The following YY1 variants were observed in gnomAD, a reference collection of about 807,000 sequenced individuals.
YY1 encodes the protein transcriptional repressor protein YY1.
In YY1, 2 loss-of-function variants were observed where a neutral mutation model predicts 35.6. The ratio of observed to expected loss-of-function variants is 0.06; its 90% CI spans 0.02 to 0.18. The LOEUF (loss-of-function observed/expected upper bound fraction) is 0.18, where lower values mean the gene tolerates loss of function less well. YY1 is among the 10% of genes least tolerant of loss of function. The pLI is 1.00. For missense variants in YY1, 322 were observed against 573.4 expected, an observed-to-expected ratio of 0.56 and a Z score of 4.48; for synonymous variants, 268 against 238.9, an observed-to-expected ratio of 1.12 and a Z score of -1.12.
At chr14:100,274,519 C>G (rs928406057) in intron 2 of YY1, among the ~76,000 whole-genome samples, 179 bp from the exon 3 acceptor site, 4 of 152,202 alleles carry the variant, frequency 2.6e-5, no homozygotes, top group Non-Finnish European at 5.9e-5. Flanking sequence ...GGGAAGAGTG[C>G]TTCACAGTCA....
intron 2 of YY1, among the ~76,000 whole-genome samples, chr14:100,274,013 G>GT (rs1388127660): frequency 6.6e-6 from 1 of 152,160 alleles, no homozygotes; most frequent in Admixed American, 6.6e-5. Flanking sequence ...TAGGGTAACA[G>GT]TATGAGAGTA....
chr14:100,259,824 C>G (rs1891055735), intron 1 of YY1, among the ~76,000 whole-genome samples: 1 of 152,052 alleles, frequency 6.6e-6, no homozygotes, highest in Admixed American at 6.6e-5. Flanking sequence ...GAAGGTAAGA[C>G]CAGGTATGTT....
intron 1 of YY1, among the ~76,000 whole-genome samples, chr14:100,251,695 A>T (rs1890927236): frequency 6.6e-6 from 1 of 152,070 alleles, no homozygotes; most frequent in Non-Finnish European, 1.5e-5. Flanking sequence ...TTGGCATTTA[A>T]CATGTTACCT....
In YY1 at chr14:100,276,857, G is replaced by T; in HGVS notation, c.1062+209G>T. ...GTCTATACTCTGTGGTACTGGGTACGCAATGTATTGGTGTTGATGGAGTAC... is the reference window on the plus strand; with the variant it reads ...GTCTATACTCTGTGGTACTGGGTACTCAATGTATTGGTGTTGATGGAGTAC... On this transcript the variant is annotated intron_variant, in intron 4 of 4. Transcript: ENST00000262238. This position sits in a 1 kb window ranked among gnomAD's most constrained non-coding sequence, Gnocchi z 4.1. 1.6e-6 allele frequency: 1 copy of T among 635,528 alleles called. No individual in the cohort carries two copies. 39.4% of individuals were successfully genotyped at this position (635,528 alleles called of 1,614,324 possible). A position where few individuals can be genotyped will look rare whatever the true frequency, so the allele number is the denominator to read the frequency against.
At chr14:100,247,002 C>T (rs1003457355) in intron 1 of YY1, among the ~76,000 whole-genome samples, 5 of 152,140 alleles carry the variant, frequency 3.3e-5, no homozygotes, top group African/African-American at 1.2e-4. Context: ...TTTTCCCTCC[C>T]ACTATCAACA....
intron 1 of YY1, among the ~76,000 whole-genome samples, chr14:100,253,876 G>A (rs1367173950): frequency 1.3e-5 from 2 of 151,680 alleles, no homozygotes; most frequent in Non-Finnish European, 2.9e-5. Flanking sequence ...GTTGGCTCAG[G>A]GTGGAGTGCA....
At chr14:100,255,317 A>G (rs928635072) in intron 1 of YY1, among the ~76,000 whole-genome samples, 1 of 152,130 alleles carries the variant, frequency 6.6e-6, no homozygotes, top group Non-Finnish European at 1.5e-5. Context: ...AGAAACTGAT[A>G]TTATTTGAAA....
intron 1 of YY1, among the ~76,000 whole-genome samples, chr14:100,246,252 C>T (rs1890831771): frequency 6.6e-6 from 1 of 152,240 alleles, no homozygotes; most frequent in African/African-American, 2.4e-5. Flanking sequence ...ACTGCCTGCC[C>T]ATGGCTAATG....
At chr14:100,275,040 T>G (rs1891299380) in intron 3 of YY1, among the ~76,000 whole-genome samples, 2 of 152,220 alleles carry the variant, frequency 1.3e-5, no homozygotes, top group Admixed American at 1.3e-4. Flanking sequence ...AAGTCCGTCT[T>G]AAGATCCTGG....
At chr14:100,261,228 C>T (rs1891082935) in intron 1 of YY1, among the ~76,000 whole-genome samples, 1 of 152,040 alleles carries the variant, frequency 6.6e-6, no homozygotes, top group Admixed American at 6.6e-5. Flanking sequence ...CTCACTCTGT[C>T]ACTCAGGCTG....
intron 1 of YY1, among the ~76,000 whole-genome samples, chr14:100,244,348 CAGG>C (rs1890798830): frequency 1.5e-5 from 1 of 67,704 alleles, no homozygotes; most frequent in South Asian, 6.0e-4. Flanking sequence ...TTTTTTGAGA[CAGG>C]GGTCTCACTC....
chr14:100,244,348 CA>C (rs1712708117), intron 1 of YY1, among the ~76,000 whole-genome samples: 3 of 67,704 alleles, frequency 4.4e-5, no homozygotes, highest in South Asian at 6.0e-4. Flanking sequence ...TTTTTTGAGA[CA>C]GGGGTCTCAC....
intron 2 of YY1, among the ~76,000 whole-genome samples, chr14:100,264,909 G>A (rs1679284692): frequency 6.6e-6 from 1 of 152,104 alleles, no homozygotes. Flanking sequence ...AGGAGTTTGA[G>A]ACCAGCCTGG....
Position 100,277,745 on chromosome 14 carries a change from G to A in YY1, c.*145G>A. On this transcript the variant is annotated 3_prime_UTR_variant, in exon 5 of 5. Coordinates refer to ENST00000262238, the MANE Select transcript of YY1 (RefSeq NM_003403.5). This position sits in a 1 kb window ranked among gnomAD's most constrained non-coding sequence, Gnocchi z 5.6. ...CACCTAAGGGACATGTTTTGATAAA[G>A]TAGTAAAAATTAAAAAAAAAAAACT... The A allele has an allele frequency of 2.2e-6, 2 of 900,760 alleles. No homozygotes were observed. Among genetic ancestry groups the A allele is most frequent in the Non-Finnish European group, 3.3e-6 (2 of 599,800 alleles). The allele number at this position is 900,760 out of a possible 1,614,324, so 55.8% of individuals were successfully genotyped here.
At chr14:100,265,017 C>G (rs887361257) in intron 2 of YY1, among the ~76,000 whole-genome samples, 1 of 151,812 alleles carries the variant, frequency 6.6e-6, no homozygotes, top group Non-Finnish European at 1.5e-5. Context: ...CATGGGAGGT[C>G]AAAGCTGCAG....
chr14:100,250,929 C>T (rs1566771861), intron 1 of YY1, among the ~76,000 whole-genome samples: 1 of 151,762 alleles, frequency 6.6e-6, no homozygotes, highest in Non-Finnish European at 1.5e-5. Context: ...ATCACCTGAG[C>T]CCAGGAGGTC....
Position 100,276,458 on chromosome 14 carries a change from G to A in YY1, c.904-32G>A, listed in dbSNP as rs1891319639. The A allele has an allele frequency of 1.9e-6, 3 of 1,614,136 alleles. No homozygotes were observed. The East Asian group carries it at 6.7e-5, about 36-fold the overall frequency. Reference sequence around the variant, plus strand: ...TGAATCCTTTCTAACAGTTTGCAATGTGAACTTCTAAGCTGCTTTCTCTGT... The same window carrying A: ...TGAATCCTTTCTAACAGTTTGCAATATGAACTTCTAAGCTGCTTTCTCTGT... On this transcript the variant is annotated intron_variant, in intron 3 of 4. Coordinates refer to ENST00000262238, the MANE Select transcript of YY1 (RefSeq NM_003403.5). This position sits in a 1 kb window ranked among gnomAD's most constrained non-coding sequence, Gnocchi z 4.1.
At chr14:100,265,469 AG>A in intron 2 of YY1, 1 of 152,372 alleles carries the variant, frequency 6.6e-6, no homozygotes, top group Non-Finnish European at 1.5e-5. Context: ...AGTTGGGGGC[AG>A]GGGGGAGGAG....
In YY1 at chr14:100,277,665, T is replaced by C. The variant is rs1891342817; in HGVS notation, c.*65T>C. The C allele has an allele frequency of 6.6e-7, 1 of 1,505,960 alleles. No individual in the cohort carries two copies. Among genetic ancestry groups the C allele is most frequent in the African/African-American group, 1.4e-5 (1 of 72,176 alleles). 93.3% of individuals were successfully genotyped at this position (1,505,960 alleles called of 1,614,324 possible). On this transcript the variant is annotated 3_prime_UTR_variant, in exon 5 of 5. Coordinates refer to ENST00000262238, the MANE Select transcript of YY1 (RefSeq NM_003403.5). This position sits in a 1 kb window ranked among gnomAD's most constrained non-coding sequence, Gnocchi z 5.6. ...TTCCAGAAGTGTGATTGGGAATAAA[T>C]ATGCCTCTCCTTTGTATATTATTTC... is the stretch of plus-strand genomic sequence containing the variant.
Sources: gnomAD v4.1 joint callset for allele counts (sites outside exome capture counted in the v4.1 genomes callset) on GRCh38, gnomAD v4.1.1 for gene constraint, Gnocchi (gnomAD v3.1) non-coding constraint, MANE v1.5 for transcripts, NCBI Gene and HGNC (gene_info 2026-07-23, HGNC 2026-07-21) for gene names.